CHL1: variants seen among roughly 807,000 people sequenced by gnomAD.
CHL1 encodes cell adhesion molecule L1 like.
Under a neutral mutation model 141.9 loss-of-function variants are expected in CHL1, and 96 were observed. The ratio of observed to expected loss-of-function variants is 0.68; its 90% CI spans 0.57 to 0.80. CHL1 has a LOEUF of 0.80. Among genes scored for constraint, CHL1 ranks in the 30% least tolerant of loss-of-function variants. The pLI is 0.00. For missense variants in CHL1, 1,820 were observed against 1,457.2 expected, an observed-to-expected ratio of 1.25 and a Z score of -4.05; for synonymous variants, 613 against 502.2, an observed-to-expected ratio of 1.22 and a Z score of -2.95.
In CHL1 at chr3:281,686, A is replaced by G. The variant is rs146377578; in HGVS notation, c.-95+36994A>G. On this transcript the variant is annotated intron_variant, in intron 2 of 27. Coordinates refer to ENST00000256509, the MANE Select transcript of CHL1 (RefSeq NM_006614.4). ...GCGATTCTCATGCCTCAGCCCCCCA[A>G]ATAGCTGGGATTACAGGCACATGCC... 1.8e-3 allele frequency among the ~76,000 whole-genome samples: 269 copies of G among 151,906 alleles called. 3 individuals carry two copies. Among genetic ancestry groups the G allele is most frequent in the South Asian group, 0.017 (81 of 4,800 alleles).
chr3:317,058 C>T (rs991534076), intron 2 of CHL1, among the ~76,000 whole-genome samples: 3 of 152,134 alleles, frequency 2.0e-5, no homozygotes, highest in South Asian at 4.1e-4. Flanking sequence ...TGGAGTCTTA[C>T]TTGAACGGGG....
At chr3:224,264 C>A (rs1701124226) in intron 1 of CHL1, among the ~76,000 whole-genome samples, 1 of 152,148 alleles carries the variant, frequency 6.6e-6, no homozygotes, top group African/African-American at 2.4e-5. Context: ...CCAAAGATAG[C>A]TTGGCCTATG....
At chr3:230,106 T>G (rs1307780149) in intron 1 of CHL1, among the ~76,000 whole-genome samples, 1 of 152,212 alleles carries the variant, frequency 6.6e-6, no homozygotes, top group African/African-American at 2.4e-5. Flanking sequence ...AAGAACTCTT[T>G]AAAACACTCT....
intron 16 of CHL1, among the ~76,000 whole-genome samples, chr3:380,824 C>T (rs1276301569): frequency 6.6e-6 from 1 of 152,086 alleles, no homozygotes; most frequent in Non-Finnish European, 1.5e-5. Context: ...AATAATTATA[C>T]ACATGATTGA....
chr3:299,729 C>T (rs1391675684), intron 2 of CHL1, among the ~76,000 whole-genome samples: 1 of 152,140 alleles, frequency 6.6e-6, no homozygotes. Flanking sequence ...GGCTTCGAAG[C>T]TTGCACATTG....
At chr3:311,483 C>T (rs1268433162) in intron 2 of CHL1, among the ~76,000 whole-genome samples, 1 of 151,608 alleles carries the variant, frequency 6.6e-6, no homozygotes, top group Non-Finnish European at 1.5e-5. Context: ...CCCTGCAGGT[C>T]GTTTATTATC....
intron 1 of CHL1, among the ~76,000 whole-genome samples, chr3:235,201 A>G (rs958435232): frequency 6.6e-6 from 1 of 152,132 alleles, no homozygotes; most frequent in African/African-American, 2.4e-5. Flanking sequence ...TCTTGCGGCC[A>G]TAAAGAACAA....
chr3:263,335 GA>G (rs201360339), intron 2 of CHL1, among the ~76,000 whole-genome samples: 109 of 145,574 alleles, frequency 7.5e-4, no homozygotes, highest in Middle Eastern at 6.9e-3. Flanking sequence ...TCCGGAAAAA[GA>G]AAAAAAAAAG....
At chr3:314,329 G>GTA (rs56292297) in intron 2 of CHL1, among the ~76,000 whole-genome samples, 2,294 of 64,926 alleles carry the variant, frequency 0.035, 67 homozygotes, top group East Asian at 0.073. Context: ...CTCTCTATGT[G>GTA]TATATATATA....
chr3:366,268 C>T (rs1336883787), intron 15 of CHL1, among the ~76,000 whole-genome samples, 153 bp downstream of exon 15: 2 of 151,988 alleles, frequency 1.3e-5, no homozygotes, highest in African/African-American at 2.4e-5. Flanking sequence ...GTCAGGAGTT[C>T]GAGACTAGCC....
chr3:253,765 A>G (rs2125152338), intron 2 of CHL1, among the ~76,000 whole-genome samples: 1 of 152,286 alleles, frequency 6.6e-6, no homozygotes, highest in South Asian at 2.1e-4. Flanking sequence ...GAAAACCTCT[A>G]CCACCTACTA....
intron 15 of CHL1, chr3:376,532 C>T: frequency 2.5e-6 from 1 of 407,854 alleles, no homozygotes; most frequent in Non-Finnish European, 4.8e-6. Flanking sequence ...AGGCATAGTG[C>T]AACCATGACT....
chr3:298,597 A>T (rs1028833079), intron 2 of CHL1, among the ~76,000 whole-genome samples: 1 of 152,210 alleles, frequency 6.6e-6, no homozygotes, highest in Non-Finnish European at 1.5e-5. Context: ...AGCATTTGAT[A>T]GATAGGGACT....
chr3:399,497 G>A (rs1191495563), intron 26 of CHL1, among the ~76,000 whole-genome samples: 11 of 152,094 alleles, frequency 7.2e-5, no homozygotes, highest in South Asian at 2.1e-4. Flanking sequence ...AAAATTAGCC[G>A]GGCATGGTGG....
At chr3:206,218 A>T (rs146143031) in intron 1 of CHL1, among the ~76,000 whole-genome samples, 15 of 152,350 alleles carry the variant, frequency 9.8e-5, no homozygotes, top group African/African-American at 2.9e-4. Context: ...CTGTAATCCC[A>T]GCACTTTGGG....
chr3:275,162 G>A (rs1340947269), intron 2 of CHL1, among the ~76,000 whole-genome samples: 1 of 152,204 alleles, frequency 6.6e-6, no homozygotes. Flanking sequence ...TTAAAGGAAT[G>A]GGTGAGTGAT....
At chr3:375,434 C>T (rs1706193624) in intron 15 of CHL1, among the ~76,000 whole-genome samples, 1 of 151,588 alleles carries the variant, frequency 6.6e-6, no homozygotes, top group South Asian at 2.1e-4. Flanking sequence ...TGCTTTTTTC[C>T]CCCTCCAGAA....
chr3:291,615 A>C (rs1231919929), intron 2 of CHL1, among the ~76,000 whole-genome samples: 1 of 152,040 alleles, frequency 6.6e-6, no homozygotes, highest in African/African-American at 2.4e-5. Context: ...CAAGTAATAA[A>C]TTTTCCTATA....
At chr3:400,784 A>G (rs1005616267) in intron 26 of CHL1, among the ~76,000 whole-genome samples, 2 of 152,020 alleles carry the variant, frequency 1.3e-5, no homozygotes, top group African/African-American at 2.4e-5. Flanking sequence ...CCTGGGCGAC[A>G]GAGTGAGACT....
Sources: allele counts gnomAD v4.1 joint callset (sites outside exome capture counted in the v4.1 genomes callset), GRCh38; gene constraint gnomAD v4.1.1; transcripts MANE v1.5; gene names NCBI Gene and HGNC (gene_info 2026-07-23, HGNC 2026-07-21).